Variants in MYT1L observed in about 807,000 individuals in gnomAD.
MYT1L encodes myelin transcription factor 1-like protein.
MYT1L carries 12 observed loss-of-function variants against 126.7 expected under a neutral mutation model. The ratio of observed to expected loss-of-function variants is 0.09; its 90% CI spans 0.06 to 0.15. The LOEUF (loss-of-function observed/expected upper bound fraction) is 0.15. MYT1L is among the 10% of genes least tolerant of loss of function. MYT1L has a pLI of 1.00. For synonymous variants in MYT1L, 541 were observed against 604.2 expected (o/e 0.90, Z 1.53); for missense variants, 979 against 1,585.2 (o/e 0.62, Z 6.49).
chr2:1,810,766 T>G (rs1486677868), intron 21 of MYT1L, among the ~76,000 whole-genome samples: 1 of 152,240 alleles, frequency 6.6e-6, no homozygotes, highest in African/African-American at 2.4e-5. Context: ...TGGTTGTTTT[T>G]GGGGAAATCC....
rs976319904 is a variant in MYT1L at position 1,790,128 on chromosome 2, G to A, written c.*1739C>T. 4 of 152,168 alleles carry A rather than the reference G, an allele frequency of 2.6e-5. No individual in the cohort carries two copies. The highest frequency in any genetic ancestry group is 5.9e-5 in the Non-Finnish European group (4 of 68,046). 9.4% of individuals were successfully genotyped at this position (152,168 alleles called of 1,614,324 possible). ...CTGACACGAGGAATTGCACACCTCC[G>A]TACGGATATATAGGACAAGGTAAGT... On this transcript the variant is annotated 3_prime_UTR_variant, in exon 25 of 25. Coordinates refer to ENST00000647738, the MANE Select transcript of MYT1L (RefSeq NM_001303052.2).
chr2:1,806,308 T>C lies in MYT1L; in HGVS notation c.3172+2768A>G, dbSNP rs1178130552. Among the ~76,000 whole-genome samples, 1 of 152,190 alleles carries C rather than the reference T, an allele frequency of 6.6e-6. No homozygotes were observed. The highest frequency in any genetic ancestry group is 1.5e-5 in the Non-Finnish European group (1 of 68,034). ...ACCTGCAGCTCCTCTTTTTTACCCA[T>C]GGACGTGCGTGCATTAGGATCTGCA... On this transcript the variant is annotated intron_variant, in intron 22 of 24. Transcript: ENST00000647738. The surrounding 1 kb of genome is among the most constrained non-coding windows in gnomAD (Gnocchi z 4.9).
At chr2:2,280,346 C>A (rs1267137547) in intron 2 of MYT1L, among the ~76,000 whole-genome samples, 2 of 152,168 alleles carry the variant, frequency 1.3e-5, no homozygotes, top group Non-Finnish European at 2.9e-5. Context: ...TAGTTTCTTG[C>A]ATATCAAAGT....
chr2:1,919,136 T>C (rs1040350254), intron 10 of MYT1L, among the ~76,000 whole-genome samples: 3 of 152,184 alleles, frequency 2.0e-5, no homozygotes, highest in African/African-American at 7.2e-5. Context: ...ACAAAATATA[T>C]GACTTCACAG....
In MYT1L at chr2:1,892,027, G is replaced by C. The variant is rs762599208; in HGVS notation, c.2283+10C>G. 1.3e-6 allele frequency: 2 copies of C among 1,512,278 alleles called. No individual in the cohort carries two copies. Among genetic ancestry groups the C allele is most frequent in the South Asian group, 2.5e-5 (2 of 80,870 alleles). The allele number at this position is 1,512,278 out of a possible 1,614,324, so 93.7% of individuals were successfully genotyped here. A position where few individuals can be genotyped will look rare whatever the true frequency, so the allele number is the denominator to read the frequency against. On this transcript the variant is annotated intron_variant, in intron 15 of 24. Coordinates refer to ENST00000647738, the MANE Select transcript of MYT1L (RefSeq NM_001303052.2). ...CCGCCAGGTGGCTCCACCTGCCCAG[G>C]CGCGCGTACCCGCGTGGCGCACAGG...
Position 1,979,374 on chromosome 2 carries a change from T to A in MYT1L, c.89+147A>T. The A allele has an allele frequency of 9.0e-7, 1 of 1,108,318 alleles. No homozygotes were observed. The highest frequency in any genetic ancestry group is 1.4e-6 in the Non-Finnish European group (1 of 738,116). 68.7% of individuals were successfully genotyped at this position (1,108,318 alleles called of 1,614,324 possible). On this transcript the variant is annotated intron_variant, in intron 7 of 24. Transcript: ENST00000647738. This position sits in a 1 kb window ranked among gnomAD's most constrained non-coding sequence, Gnocchi z 4.0. ...GAGGGGGAAATTCGGGGAGGCTTTT[T>A]ACGAGCAAGTCTCGGGGGAATTAAT...
chr2:2,238,017 CG>C (rs2094359727), intron 2 of MYT1L, among the ~76,000 whole-genome samples: 1 of 152,130 alleles, frequency 6.6e-6, no homozygotes, highest in Admixed American at 6.5e-5. Flanking sequence ...CAGAAAGGCG[CG>C]TTATGATTCC....
intron 4 of MYT1L, among the ~76,000 whole-genome samples, chr2:2,016,563 C>G (rs1025106766): frequency 6.6e-6 from 1 of 152,184 alleles, no homozygotes; most frequent in Admixed American, 6.5e-5. Context: ...AATCCAACAC[C>G]CTTCTCTGTC....
intron 18 of MYT1L, among the ~76,000 whole-genome samples, chr2:1,869,799 C>CTT (rs2046050497): frequency 6.6e-6 from 1 of 152,144 alleles, no homozygotes; most frequent in Admixed American, 6.5e-5. Flanking sequence ...AAACCAAGTA[C>CTT]TAAGTTCAGG....
chr2:1,812,207 C>T (rs996836601), intron 21 of MYT1L, among the ~76,000 whole-genome samples: 1 of 152,148 alleles, frequency 6.6e-6, no homozygotes, highest in Non-Finnish European at 1.5e-5. Context: ...CACCGCACCC[C>T]CTGATGCTCT....
chr2:2,051,218 A>G (rs1233590675), intron 4 of MYT1L, among the ~76,000 whole-genome samples: 3 of 152,190 alleles, frequency 2.0e-5, no homozygotes, highest in African/African-American at 7.2e-5. Flanking sequence ...TGACAACTGA[A>G]TAGTATTCCA....
chr2:1,815,866 C>T (rs1207626782), intron 21 of MYT1L, among the ~76,000 whole-genome samples: 1 of 152,234 alleles, frequency 6.6e-6, no homozygotes, highest in African/African-American at 2.4e-5. Flanking sequence ...AACCCTTAGA[C>T]TGGGGAGTGG....
chr2:2,271,658 T>G (rs1291172578), intron 2 of MYT1L, among the ~76,000 whole-genome samples: 2 of 152,156 alleles, frequency 1.3e-5, no homozygotes, highest in East Asian at 3.9e-4. Context: ...AAGGAGGAAG[T>G]GCAACATCGA....
intron 3 of MYT1L, among the ~76,000 whole-genome samples, chr2:2,148,410 T>C (rs2085218931): frequency 6.6e-6 from 1 of 152,124 alleles, no homozygotes; most frequent in South Asian, 2.1e-4. Context: ...GCTGATCTGA[T>C]GGGGGGCGGA....
At chr2:1,974,921 T>G (rs1353366630) in intron 8 of MYT1L, among the ~76,000 whole-genome samples, 2 of 152,234 alleles carry the variant, frequency 1.3e-5, no homozygotes, top group Non-Finnish European at 2.9e-5. Flanking sequence ...TTATTTCAAA[T>G]TCTTCATAAA....
rs770672460 is a variant in MYT1L at position 1,929,089 on chromosome 2, G to GTT, written c.506-5827_506-5826insAA. Among the ~76,000 whole-genome samples, 1 of 152,168 alleles carries GTT rather than the reference G, an allele frequency of 6.6e-6. No homozygotes were observed. The highest frequency in any genetic ancestry group is 1.5e-5 in the Non-Finnish European group (1 of 68,024). On this transcript the variant is annotated intron_variant, in intron 9 of 24. Coordinates refer to ENST00000647738, the MANE Select transcript of MYT1L (RefSeq NM_001303052.2). The surrounding 1 kb of genome is among the most constrained non-coding windows in gnomAD (Gnocchi z 4.7). ...CCTGGCCAGGACCAGGCGGAGAAGC[G>GTT]TGAGTTCATTTCCCTCTCGCTTCAA...
At chr2:1,850,778 G>A (rs543008165) in intron 19 of MYT1L, among the ~76,000 whole-genome samples, 8 of 152,158 alleles carry the variant, frequency 5.3e-5, no homozygotes, top group South Asian at 2.1e-4. Context: ...CATCAAGTCC[G>A]TCTGGCCAGA....
chr2:2,323,788 A>C (rs1354795637), intron 1 of MYT1L, among the ~76,000 whole-genome samples: 1 of 152,168 alleles, frequency 6.6e-6, no homozygotes, highest in African/African-American at 2.4e-5. Context: ...CTTCAGTTCA[A>C]TTTTCACAAT....
intron 14 of MYT1L, among the ~76,000 whole-genome samples, chr2:1,900,339 G>C (rs1455732780): frequency 6.6e-6 from 1 of 151,442 alleles, no homozygotes; most frequent in Admixed American, 6.6e-5. Flanking sequence ...TCGCTCTGTT[G>C]CCCAGGCTGG....
Sources: allele counts gnomAD v4.1 joint callset (sites outside exome capture counted in the v4.1 genomes callset), GRCh38; gene constraint gnomAD v4.1.1; non-coding constraint Gnocchi (gnomAD v3.1); transcripts MANE v1.5; gene names NCBI Gene and HGNC (gene_info 2026-07-23, HGNC 2026-07-21).